Variants in KLF7 observed in about 807,000 individuals in gnomAD.
KLF7 encodes Krueppel-like factor 7.
A neutral mutation model predicts 27.3 loss-of-function variants in KLF7; 2 were observed. The ratio of observed to expected loss-of-function variants is 0.07; its 90% confidence interval spans 0.03 to 0.23. The LOEUF (loss-of-function observed/expected upper bound fraction) is 0.23. KLF7 is among the 10% of genes least tolerant of loss of function. The pLI, the probability that KLF7 is intolerant of heterozygous loss-of-function variation, is 1.00. For missense variants in KLF7, 221 were observed against 394.1 expected (o/e 0.56, Z 3.72); for synonymous variants, 165 against 162.4 (o/e 1.02, Z -0.12).
intron 1 of KLF7, among the ~76,000 whole-genome samples, chr2:207,126,754 G>A (rs936560584): frequency 6.6e-6 from 1 of 151,544 alleles, no homozygotes; most frequent in Non-Finnish European, 1.5e-5. Flanking sequence ...AGTGAGCTAT[G>A]GTCGTACCAC....
In KLF7 at chr2:207,165,944, C is replaced by A; in HGVS notation, c.-376G>T. On this transcript the variant is annotated 5_prime_UTR_variant, in exon 1 of 4. Transcript: ENST00000309446. The stretch of plus-strand genomic sequence containing the variant: ...GAAGCTGCCATCTATTTCTGCAGCG[C>A]TGTTCGCTCCTAATGCAATCTTTGC... 1 of 1,059,990 alleles carries A rather than the reference C, an allele frequency of 9.4e-7. No homozygotes were observed. The highest frequency in any genetic ancestry group is 1.1e-6 in the Non-Finnish European group (1 of 874,986). 65.7% of individuals were successfully genotyped at this position (1,059,990 alleles called of 1,614,324 possible). A position where few individuals can be genotyped will look rare whatever the true frequency, so the allele number is the denominator to read the frequency against.
chr2:207,113,013 T>G (rs2077077522), intron 2 of KLF7, among the ~76,000 whole-genome samples: 1 of 152,202 alleles, frequency 6.6e-6, no homozygotes, highest in Admixed American at 6.5e-5. Flanking sequence ...CTCCCTTTAC[T>G]CCTTCATAAT....
At chr2:207,150,049 T>C (rs1045668517) in intron 1 of KLF7, among the ~76,000 whole-genome samples, 5 of 152,092 alleles carry the variant, frequency 3.3e-5, no homozygotes. Context: ...GAATTCTCAG[T>C]TTTACCCAAA....
chr2:207,165,355 GA>G (rs997381701), intron 1 of KLF7, 111 bp downstream of exon 1: 30 of 1,460,316 alleles, frequency 2.1e-5, no homozygotes, highest in African/African-American at 1.3e-4. Context: ...CAAAAAGGAA[GA>G]AAAAAAAGTC....
intron 3 of KLF7, among the ~76,000 whole-genome samples, chr2:207,087,603 G>T (rs2076420421): frequency 6.6e-6 from 1 of 152,100 alleles, no homozygotes; most frequent in Admixed American, 6.5e-5. Flanking sequence ...TCATAACCGA[G>T]ACCTTTAGTA....
intron 1 of KLF7, among the ~76,000 whole-genome samples, chr2:207,155,988 G>A (rs535140563): frequency 1.1e-3 from 165 of 152,294 alleles, no homozygotes; most frequent in African/African-American, 3.7e-3. Context: ...ATGTGAGAAC[G>A]GCGTCAAGAG....
At chr2:207,140,210 G>A (rs2106056054) in intron 1 of KLF7, among the ~76,000 whole-genome samples, 1 of 152,124 alleles carries the variant, frequency 6.6e-6, no homozygotes, top group African/African-American at 2.4e-5. Context: ...TTTGAATTGA[G>A]AAAACTTATA....
intron 1 of KLF7, among the ~76,000 whole-genome samples, chr2:207,141,272 A>C (rs908476075): frequency 6.6e-6 from 1 of 152,146 alleles, no homozygotes; most frequent in African/African-American, 2.4e-5. Flanking sequence ...CAGACTCTGG[A>C]CTGCAGTTTC....
chr2:207,077,210 TA>T lies in KLF7; in HGVS notation c.*4002del, dbSNP rs1405628925. Reference sequence around the variant, plus strand: ...ACTTGAGTTTCTTTTGGCTTTGCCATAAAATGCAGGAATAAAGGCAAGAGGC... The same window carrying T: ...ACTTGAGTTTCTTTTGGCTTTGCCATAAATGCAGGAATAAAGGCAAGAGGC... On this transcript the variant is annotated 3_prime_UTR_variant, in exon 4 of 4. Coordinates refer to ENST00000309446, the MANE Select transcript of KLF7 (RefSeq NM_003709.4). 1 of 152,146 alleles carries T rather than the reference TA, an allele frequency of 6.6e-6. No homozygotes were observed. Among genetic ancestry groups the T allele is most frequent in the Non-Finnish European group, 1.5e-5 (1 of 68,010 alleles). The allele number at this position is 152,146 out of a possible 1,614,324, so 9.4% of individuals were successfully genotyped here.
At chr2:207,169,840 T>C (rs1044729520), upstream of KLF7, among the ~76,000 whole-genome samples, 3 of 152,116 alleles carry the variant, frequency 2.0e-5, no homozygotes, top group Admixed American at 6.5e-5. Flanking sequence ...GACATAGAAC[T>C]TAACTAGTGT....
At chr2:207,117,712 G>C (rs1341491377) in intron 2 of KLF7, among the ~76,000 whole-genome samples, 2 of 152,156 alleles carry the variant, frequency 1.3e-5, no homozygotes, top group Non-Finnish European at 2.9e-5. Flanking sequence ...TGATATGCCT[G>C]ACCTTGAATT....
At chr2:207,132,742 C>A (rs1254597562) in intron 1 of KLF7, among the ~76,000 whole-genome samples, 1 of 152,222 alleles carries the variant, frequency 6.6e-6, no homozygotes, top group African/African-American at 2.4e-5. Flanking sequence ...GTCACATAAC[C>A]TGGGCAGAGC....
At chr2:207,158,011 T>C (rs1197843554) in intron 1 of KLF7, among the ~76,000 whole-genome samples, 1 of 143,028 alleles carries the variant, frequency 7.0e-6, no homozygotes, top group Non-Finnish European at 1.6e-5. Flanking sequence ...TTGTTGCTTA[T>C]TTCTGGTTAG....
chr2:207,082,886 C>T (rs34433017), intron 3 of KLF7, among the ~76,000 whole-genome samples: 1 of 152,068 alleles, frequency 6.6e-6, no homozygotes, highest in African/African-American at 2.4e-5. Flanking sequence ...CTCCACACCC[C>T]CTGTTTGTGT....
In KLF7 at chr2:207,124,429, G is replaced by T. The variant is rs368728622; in HGVS notation, c.103-25C>A. On this transcript the variant is annotated intron_variant, in intron 1 of 3. Coordinates refer to ENST00000309446, the MANE Select transcript of KLF7 (RefSeq NM_003709.4). The stretch of plus-strand genomic sequence containing the variant: ...TCTGCAAGAGGAAGAAGGAGGGAGA[G>T]AAACAGCCATCAGAGGCACAGAACA... 12 of 1,533,302 alleles carry T rather than the reference G, an allele frequency of 7.8e-6. No homozygotes were observed. The African/African-American group carries it at 1.7e-4, about 21-fold the overall frequency. The allele number at this position is 1,533,302 out of a possible 1,614,324, so 95.0% of individuals were successfully genotyped here.
chr2:207,122,994 C>T (rs75948743), intron 2 of KLF7, among the ~76,000 whole-genome samples: 293 of 149,700 alleles, frequency 2.0e-3, no homozygotes, highest in East Asian at 0.014. Context: ...AAGAGTTTCA[C>T]GCTTTTCTGT....
At chr2:207,169,968 C>A (rs2078774443), upstream of KLF7, among the ~76,000 whole-genome samples, 1 of 152,028 alleles carries the variant, frequency 6.6e-6, no homozygotes, top group Non-Finnish European at 1.5e-5. Flanking sequence ...ACTATGGCCT[C>A]TAAGTGTGCA....
intron 1 of KLF7, among the ~76,000 whole-genome samples, chr2:207,125,894 T>C (rs1393862612): frequency 6.6e-6 from 1 of 152,148 alleles, no homozygotes; most frequent in Non-Finnish European, 1.5e-5. Context: ...AAGCTAAAAA[T>C]TACATAAACT....
intron 2 of KLF7, among the ~76,000 whole-genome samples, chr2:207,118,847 A>G (rs191050635): frequency 1.3e-5 from 2 of 152,378 alleles, no homozygotes; most frequent in Non-Finnish European, 2.9e-5. Context: ...CATGTGTGAC[A>G]TAACACTTCT....
Sources: gnomAD v4.1 joint callset for allele counts (sites outside exome capture counted in the v4.1 genomes callset) on GRCh38, gnomAD v4.1.1 for gene constraint, MANE v1.5 for transcripts, NCBI Gene and HGNC (gene_info 2026-07-23, HGNC 2026-07-21) for gene names.